CCDC7: variants seen among roughly 807,000 people sequenced by gnomAD.
CCDC7 encodes the protein coiled-coil domain containing 7, also known as coiled-coil domain-containing protein 7.
In CCDC7, 183 loss-of-function variants were observed where a neutral mutation model predicts 196.9. The ratio of observed to expected loss-of-function variants is 0.93; its 90% CI spans 0.82 to 1.05. The LOEUF (loss-of-function observed/expected upper bound fraction) is 1.05, where lower values mean the gene tolerates loss of function less well. CCDC7 is among the 50% of genes least tolerant of loss of function. The pLI is 0.00. For missense variants in CCDC7, 1,540 were observed against 1,482.2 expected (o/e 1.04, Z -0.64); for synonymous variants, 525 against 484.6 (o/e 1.08, Z -1.10).
intron 33 of CCDC7, among the ~76,000 whole-genome samples, chr10:32,841,427 C>CA (rs1296394632): frequency 1.3e-5 from 2 of 151,012 alleles, no homozygotes; most frequent in Admixed American, 1.3e-4. Flanking sequence ...AAACAAAAAA[C>CA]AAAAAAAGGT....
intron 24 of CCDC7, among the ~76,000 whole-genome samples, chr10:32,702,746 G>C (rs575420897): frequency 6.7e-6 from 1 of 149,590 alleles, no homozygotes; most frequent in Non-Finnish European, 1.5e-5. Context: ...AGCTCTTCTT[G>C]TTGATCCCTT....
At chr10:32,447,517 A>G (rs930892437), upstream of CCDC7, among the ~76,000 whole-genome samples, 1 of 152,146 alleles carries the variant, frequency 6.6e-6, no homozygotes, top group Non-Finnish European at 1.5e-5. Context: ...AGGCTTTTCA[A>G]TTTTGTAAAT....
chr10:32,582,983 A>G (rs1308113686), intron 16 of CCDC7, 51 bp from the exon 18 acceptor site: 2 of 1,112,634 alleles, frequency 1.8e-6, no homozygotes, highest in Non-Finnish European at 2.3e-6. Flanking sequence ...TTCAGTTGCA[A>G]ATAAAATGGT....
chr10:32,562,495 A>G (rs1020908982), intron 13 of CCDC7, among the ~76,000 whole-genome samples: 15 of 152,238 alleles, frequency 9.9e-5, no homozygotes, highest in Non-Finnish European at 2.1e-4. Flanking sequence ...GGCTGGTTCA[A>G]TATATGCAAA....
At chr10:32,468,565 C>T (rs1461393192) in intron 5 of CCDC7, among the ~76,000 whole-genome samples, 1 of 152,182 alleles carries the variant, frequency 6.6e-6, no homozygotes, top group East Asian at 1.9e-4. Flanking sequence ...TATTTGGATG[C>T]CTTTATTTCT....
At chr10:32,554,523 G>C (rs1338417689) in intron 13 of CCDC7, among the ~76,000 whole-genome samples, 1 of 152,076 alleles carries the variant, frequency 6.6e-6, no homozygotes. Flanking sequence ...TATTTCACTT[G>C]GCTCTCTAAA....
intron 41 of CCDC7, among the ~76,000 whole-genome samples, chr10:32,858,162 C>T (rs2093828138): frequency 1.3e-5 from 2 of 152,088 alleles, no homozygotes; most frequent in South Asian, 4.1e-4. Context: ...AAGGTCAGAA[C>T]ATTTCGAGGT....
downstream of CCDC7, chr10:32,876,493 C>A: frequency 8.7e-7 from 1 of 1,149,498 alleles, no homozygotes; most frequent in Non-Finnish European, 1.3e-6. Flanking sequence ...AATACTGACT[C>A]GTGTGGATGG....
In CCDC7 at chr10:32,568,019, T is replaced by TG. The variant is rs1341406215; in HGVS notation, c.1419+128_1419+129insG. 4 of 1,074,450 alleles carry TG rather than the reference T, an allele frequency of 3.7e-6. No individual in the cohort carries two copies. In the African/African-American group the frequency reaches 6.5e-5, roughly 18 times the overall value. The allele number at this position is 1,074,450 out of a possible 1,614,324, so 66.6% of individuals were successfully genotyped here. A position where few individuals can be genotyped will look rare whatever the true frequency, so the allele number is the denominator to read the frequency against. ...CTCTGTTTTTGGGTTTTTTTTTTTT[T>TG]TTTTTTGAGATGGAGTCTTGCTCTG... On this transcript the variant is annotated intron_variant, in intron 15 of 41. Coordinates refer to ENST00000639629, the Ensembl canonical transcript of CCDC7.
intron 30 of CCDC7, among the ~76,000 whole-genome samples, chr10:32,806,837 G>A (rs2085951877): frequency 6.6e-6 from 1 of 152,080 alleles, no homozygotes; most frequent in Non-Finnish European, 1.5e-5. Context: ...TAGTAACAAT[G>A]TTGAAAGATA....
At chr10:32,644,773 C>A (rs900838870) in intron 20 of CCDC7, among the ~76,000 whole-genome samples, 8 of 152,174 alleles carry the variant, frequency 5.3e-5, no homozygotes, top group African/African-American at 1.7e-4. Flanking sequence ...GTGAGACGTG[C>A]CTTTCACCTT....
In CCDC7 at chr10:32,792,748, C is replaced by T. The variant is rs1043492134; in HGVS notation, c.3014-12267C>T. 7.2e-5 allele frequency among the ~76,000 whole-genome samples: 11 copies of T among 152,220 alleles called. No individual in the cohort carries two copies. In the East Asian group the frequency reaches 1.7e-3, roughly 24 times the overall value. On this transcript the variant is annotated intron_variant, in intron 29 of 41. Coordinates refer to ENST00000639629, the Ensembl canonical transcript of CCDC7. ...CCAGGAGGCAGAGGTGGCAGTGAGC[C>T]GAGATCACGCCATTGCACTCCAGCC... is the stretch of plus-strand genomic sequence containing the variant.
chr10:32,731,237 A>T (rs2083916547), intron 28 of CCDC7, among the ~76,000 whole-genome samples: 1 of 152,166 alleles, frequency 6.6e-6, no homozygotes, highest in Non-Finnish European at 1.5e-5. Flanking sequence ...TTTGTCTGAC[A>T]TTGACATAAT....
At chr10:32,729,573 C>A in intron 28 of CCDC7, 116 bp downstream of exon 29, 1 of 471,766 alleles carries the variant, frequency 2.1e-6, no homozygotes, top group Non-Finnish European at 3.7e-6. Context: ...ATTTCCATCA[C>A]ACTACCAGAT....
At chr10:32,846,333 T>A in intron 36 of CCDC7, 43 bp from the exon 38 acceptor site, 1 of 1,179,906 alleles carries the variant, frequency 8.5e-7, no homozygotes, top group South Asian at 1.3e-5. Context: ...TGTATGGTAA[T>A]GTTTACCTTA....
At chr10:32,502,923 T>C (rs1589264592) in intron 9 of CCDC7, among the ~76,000 whole-genome samples, 1 of 152,200 alleles carries the variant, frequency 6.6e-6, no homozygotes, top group Admixed American at 6.5e-5. Context: ...CTATTATAAA[T>C]GGGATTGTTT....
At chr10:32,814,507 G>A in intron 31 of CCDC7, 54 bp downstream of exon 32, 1 of 1,285,380 alleles carries the variant, frequency 7.8e-7, no homozygotes. Flanking sequence ...ATATTCTCTG[G>A]AGTGTAACTA....
At chr10:32,761,593 C>G (rs960150646) in intron 28 of CCDC7, among the ~76,000 whole-genome samples, 1 of 151,982 alleles carries the variant, frequency 6.6e-6, no homozygotes, top group African/African-American at 2.4e-5. Flanking sequence ...CTTTCTATGA[C>G]TACCCTGAAA....
chr10:32,670,790 T>C lies in CCDC7; in HGVS notation c.2122+6629T>C, dbSNP rs917284249. Among the ~76,000 whole-genome samples, 25 of 152,214 alleles carry C rather than the reference T, an allele frequency of 1.6e-4. No individual in the cohort carries two copies. The East Asian group carries it at 4.6e-3, about 28-fold the overall frequency. ...ATTGTTTTTTTCTCCCTTCTATTGT[T>C]TTTCTAGTATCTATTTTGTTTATTT... On this transcript the variant is annotated intron_variant, in intron 21 of 41. Coordinates refer to ENST00000639629, the Ensembl canonical transcript of CCDC7.
Sources: allele counts gnomAD v4.1 joint callset (sites outside exome capture counted in the v4.1 genomes callset), GRCh38; gene constraint gnomAD v4.1.1; transcripts MANE v1.5; gene names NCBI Gene and HGNC (gene_info 2026-07-23, HGNC 2026-07-21).